The following FHIP1A variants were observed in gnomAD, a reference collection of about 807,000 sequenced individuals.
FHIP1A encodes FHF complex subunit HOOK-interacting protein 1A.
FHIP1A carries 61 observed loss-of-function variants against 88.6 expected under a neutral mutation model. The observed-to-expected ratio is 0.69, with a 90% confidence interval of 0.56 to 0.85. The LOEUF (loss-of-function observed/expected upper bound fraction) is 0.85, where lower values mean the gene tolerates loss of function less well. FHIP1A is among the 40% of genes least tolerant of loss of function. The probability of loss-of-function intolerance (pLI) is 0.00; values close to 1 mark genes in which losing one functional copy is unlikely to be tolerated. For synonymous variants in FHIP1A, 478 were observed against 496.0 expected (o/e 0.96, Z 0.48); for missense variants, 1,154 against 1,273.5 (o/e 0.91, Z 1.43).
At chr4:151,608,487 A>G (rs774615325) in intron 7 of FHIP1A, among the ~76,000 whole-genome samples, 33 of 152,144 alleles carry the variant, frequency 2.2e-4, no homozygotes, top group Non-Finnish European at 4.7e-4. Context: ...GAACTTCTTC[A>G]TTGCAAACTC....
intron 7 of FHIP1A, among the ~76,000 whole-genome samples, chr4:151,613,859 A>C (rs1267947555): frequency 6.6e-6 from 1 of 152,150 alleles, no homozygotes; most frequent in African/African-American, 2.4e-5. Context: ...CTGCCACAAG[A>C]TATTCTTAAA....
chr4:151,655,932 A>G (rs1737213985), intron 11 of FHIP1A, among the ~76,000 whole-genome samples: 1 of 152,180 alleles, frequency 6.6e-6, no homozygotes, highest in South Asian at 2.1e-4. Flanking sequence ...TTAATTTTAA[A>G]AAGTTAAATT....
At chr4:151,597,155 TTG>T (rs1734679165) in intron 7 of FHIP1A, among the ~76,000 whole-genome samples, 1 of 152,178 alleles carries the variant, frequency 6.6e-6, no homozygotes, top group African/African-American at 2.4e-5. Context: ...TTCTTCATCT[TTG>T]TGGATTTATC....
At chr4:151,547,094 T>C (rs1366016388) in intron 3 of FHIP1A, among the ~76,000 whole-genome samples, 1 of 152,186 alleles carries the variant, frequency 6.6e-6, no homozygotes, top group Non-Finnish European at 1.5e-5. Flanking sequence ...GAGAGAATAG[T>C]GTGACATGCT....
rs533461527 is a variant in FHIP1A at position 151,532,451 on chromosome 4, C to G, written c.-122-33687C>G. ...TTCTTTTTCTACCCTCATGGCCACTCTCATTACAGACATCCAGAGGTGCCA... is the reference window on the plus strand; with the variant it reads ...TTCTTTTTCTACCCTCATGGCCACTGTCATTACAGACATCCAGAGGTGCCA... On this transcript the variant is annotated intron_variant, in intron 3 of 13. Transcript: ENST00000435205. Among the ~76,000 whole-genome samples, 5 of 152,326 alleles carry G rather than the reference C, an allele frequency of 3.3e-5. No homozygotes were observed. In the South Asian group the frequency reaches 1.0e-3, roughly 32 times the overall value.
intron 3 of FHIP1A, among the ~76,000 whole-genome samples, chr4:151,510,835 T>G (rs1242655257): frequency 2.0e-5 from 3 of 152,252 alleles, no homozygotes; most frequent in Non-Finnish European, 4.4e-5. Context: ...TGAGAGTCTT[T>G]GCTGGGACTC....
At chr4:151,639,898 A>G (rs1313900708) in intron 9 of FHIP1A, among the ~76,000 whole-genome samples, 1 of 152,138 alleles carries the variant, frequency 6.6e-6, no homozygotes, top group Non-Finnish European at 1.5e-5. Context: ...GGTGGAGCTG[A>G]GAGTGGGGGA....
intron 2 of FHIP1A, among the ~76,000 whole-genome samples, chr4:151,463,957 C>T (rs1178692733): frequency 6.6e-6 from 1 of 152,216 alleles, no homozygotes; most frequent in South Asian, 2.1e-4. Context: ...TCCTACCAGA[C>T]ATGAATATGA....
intron 5 of FHIP1A, among the ~76,000 whole-genome samples, chr4:151,580,067 T>C (rs189168095): frequency 4.5e-4 from 69 of 152,314 alleles, no homozygotes; most frequent in Middle Eastern, 3.4e-3. Flanking sequence ...GTTCTCCTAC[T>C]GTGCCCCAAA....
rs1736926295 is a variant in FHIP1A, at chr4:151,649,577, C to T, written c.1536C>T (p.Leu512=). The T allele has an allele frequency of 6.4e-7, 1 of 1,551,740 alleles. No individual in the cohort carries two copies. Among genetic ancestry groups the T allele is most frequent in the Non-Finnish European group, 8.7e-7 (1 of 1,146,992 alleles). ...TGTGGGAGGCCCACACCAACATCCT[C>T]CGCTGCATGAGGGACTGCCGTGTCT... ...QYLWEAHTNI[L]RCMRDCRVWS... Residue 512 remains leucine (L), a synonymous_variant, in exon 11 of 14, where the codon CTC becomes CTT. Transcript: ENST00000435205.
chr4:151,508,262 G>A (rs1435497182), intron 3 of FHIP1A, among the ~76,000 whole-genome samples: 1 of 152,178 alleles, frequency 6.6e-6, no homozygotes, highest in Non-Finnish European at 1.5e-5. Context: ...AACCCCTTTT[G>A]GAACTTAAGA....
chr4:151,503,776 A>G (rs766217266), intron 3 of FHIP1A, among the ~76,000 whole-genome samples: 23 of 152,190 alleles, frequency 1.5e-4, no homozygotes, highest in Non-Finnish European at 2.8e-4. Flanking sequence ...AGGACATACT[A>G]GGTTCCAAAG....
chr4:151,607,952 C>T (rs1239746767), intron 7 of FHIP1A, among the ~76,000 whole-genome samples: 1 of 150,674 alleles, frequency 6.6e-6, no homozygotes, highest in African/African-American at 2.4e-5. Flanking sequence ...ATGCTTGTTG[C>T]TCCTTAACAT....
At chr4:151,465,712 G>A (rs1465541696) in intron 2 of FHIP1A, among the ~76,000 whole-genome samples, 1 of 152,170 alleles carries the variant, frequency 6.6e-6, no homozygotes, top group African/African-American at 2.4e-5. Flanking sequence ...TGCAAAGCTG[G>A]TTCAACAAAC....
At chr4:151,428,273 T>C (rs1733461452) in intron 1 of FHIP1A, among the ~76,000 whole-genome samples, 1 of 152,174 alleles carries the variant, frequency 6.6e-6, no homozygotes, top group Non-Finnish European at 1.5e-5. Context: ...AGAAATACCA[T>C]AAATATGATG....
intron 1 of FHIP1A, among the ~76,000 whole-genome samples, chr4:151,451,108 C>T (rs1489971360): frequency 6.6e-6 from 1 of 152,048 alleles, no homozygotes; most frequent in Non-Finnish European, 1.5e-5. Context: ...AAGAATGAGA[C>T]TCAGTGTCTT....
intron 1 of FHIP1A, among the ~76,000 whole-genome samples, chr4:151,450,721 A>T (rs1026332680): frequency 6.6e-5 from 10 of 152,154 alleles, no homozygotes; most frequent in African/African-American, 2.4e-4. Flanking sequence ...ATATTTGTAC[A>T]TATGAATGAC....
At chr4:151,647,461 C>T (rs189511344) in intron 10 of FHIP1A, among the ~76,000 whole-genome samples, 39 of 152,222 alleles carry the variant, frequency 2.6e-4, no homozygotes, top group Middle Eastern at 3.4e-3. Context: ...TTGAGTCAAG[C>T]GTTTCCAGTT....
Position 151,412,611 on chromosome 4 carries a change from C to A in FHIP1A, c.-356+3146C>A, listed in dbSNP as rs1309029562. Among the ~76,000 whole-genome samples the A allele has an allele frequency of 2.0e-4, 23 of 117,534 alleles. No homozygotes were observed. In the South Asian group the frequency reaches 2.8e-3, roughly 14 times the overall value. The allele number at this position is 117,534 out of a possible 152,430, so 77.1% of individuals were successfully genotyped here. On this transcript the variant is annotated intron_variant, in intron 1 of 13. Transcript: ENST00000435205. The stretch of plus-strand genomic sequence containing the variant: ...TCCTTCCTTCCTTCCTTCCTTCCTT[C>A]CTCCCTCCCTCCCTCCCTCCCTCCC...
Sources: allele counts gnomAD v4.1 joint callset (sites outside exome capture counted in the v4.1 genomes callset), GRCh38; gene constraint gnomAD v4.1.1; transcripts MANE v1.5; gene names NCBI Gene and HGNC (gene_info 2026-07-23, HGNC 2026-07-21).